NPSR1: variants seen among roughly 807,000 people sequenced by gnomAD.
NPSR1 encodes the protein neuropeptide S receptor 1, also known as neuropeptide S receptor.
In NPSR1, 48 loss-of-function variants were observed where a neutral mutation model predicts 46.9. That is an observed-to-expected ratio of 1.02 (90% confidence interval 0.81 to 1.30). The LOEUF (loss-of-function observed/expected upper bound fraction) is 1.30, where lower values mean the gene tolerates loss of function less well. Among genes scored for constraint, NPSR1 ranks in the 50% most tolerant of loss-of-function variants. The probability of loss-of-function intolerance (pLI) is 0.00; values close to 1 mark genes in which losing one functional copy is unlikely to be tolerated. For synonymous variants in NPSR1, 176 were observed against 168.1 expected, an observed-to-expected ratio of 1.05 and a Z score of -0.36; for missense variants, 450 against 449.5, an observed-to-expected ratio of 1.00 and a Z score of -0.01.
At chr7:34,774,640 C>T (rs1411906484) in intron 2 of NPSR1, among the ~76,000 whole-genome samples, 1 of 152,180 alleles carries the variant, frequency 6.6e-6, no homozygotes, top group Non-Finnish European at 1.5e-5. Context: ...TAGGGGCCTG[C>T]ATTCTGATTC....
At chr7:34,871,652 C>T (rs1584162597) in intron 8 of NPSR1, 1 of 151,830 alleles carries the variant, frequency 6.6e-6, no homozygotes, top group East Asian at 1.9e-4. Flanking sequence ...TAAACATTCC[C>T]ATTCCAAAAG....
intron 3 of NPSR1, among the ~76,000 whole-genome samples, chr7:34,784,434 G>C (rs544046056): frequency 5.1e-4 from 78 of 152,178 alleles, no homozygotes; most frequent in African/African-American, 1.8e-3. Context: ...TGCATCTATT[G>C]AGATAATCAT....
At chr7:34,742,477 T>G (rs1784992575) in intron 2 of NPSR1, among the ~76,000 whole-genome samples, 1 of 152,216 alleles carries the variant, frequency 6.6e-6, no homozygotes, top group Non-Finnish European at 1.5e-5. Flanking sequence ...GCTTCATCCA[T>G]GTTCCCACAA....
At chr7:34,852,728 T>C (rs1247780841), downstream of NPSR1, among the ~76,000 whole-genome samples, 1 of 152,182 alleles carries the variant, frequency 6.6e-6, no homozygotes, top group Non-Finnish European at 1.5e-5. Flanking sequence ...TAGCCTTTGA[T>C]GCCCATGTGG....
chr7:34,704,269 A>AT (rs1400823675), intron 2 of NPSR1: 1 of 151,994 alleles, frequency 6.6e-6, no homozygotes, highest in East Asian at 1.9e-4. Context: ...TGAAGACTGA[A>AT]TTTTTTCTGA....
intron 2 of NPSR1, among the ~76,000 whole-genome samples, chr7:34,749,569 G>A (rs555751872): frequency 6.6e-6 from 1 of 152,296 alleles, no homozygotes; most frequent in East Asian, 1.9e-4. Context: ...TTCAGATAAT[G>A]ACTATATCAT....
In NPSR1 at chr7:34,848,241, G is replaced by T. The variant is rs986640473; in HGVS notation, c.845-242G>T. ...AGTAGAAATTTGACCCTTCTTTACA[G>T]ATAGAGAAGCTCTACAACCTTTGCT... is the stretch of plus-strand genomic sequence containing the variant. On this transcript the variant is annotated intron_variant, in intron 7 of 8. Transcript: ENST00000360581. Among the ~76,000 whole-genome samples the T allele has an allele frequency of 1.2e-4, 19 of 152,304 alleles. No individual in the cohort carries two copies. The East Asian group carries it at 3.5e-3, about 28-fold the overall frequency.
intron 2 of NPSR1, among the ~76,000 whole-genome samples, chr7:34,717,580 C>T (rs1783642700): frequency 6.6e-6 from 1 of 152,154 alleles, no homozygotes; most frequent in South Asian, 2.1e-4. Context: ...CAAATGAGAA[C>T]CCTGGGACCC....
In NPSR1 at chr7:34,695,802, A is replaced by T. The variant is rs1229031609; in HGVS notation, c.280+11118A>T. Among the ~76,000 whole-genome samples, 3 of 152,106 alleles carry T rather than the reference A, an allele frequency of 2.0e-5. No individual in the cohort carries two copies. In the East Asian group the frequency reaches 5.8e-4, roughly 29 times the overall value. ...GGCTATTATTAAAAAATCAAAAAAC[A>T]ATAGATGCTGGCAAGGCTGTGAAGA... On this transcript the variant is annotated intron_variant, in intron 2 of 8. Transcript: ENST00000360581.
At chr7:34,751,104 T>G (rs915296043) in intron 2 of NPSR1, 17 of 811,420 alleles carry the variant, frequency 2.1e-5, no homozygotes, top group Non-Finnish European at 3.8e-5. Flanking sequence ...GAGGATCAGG[T>G]GGAGTCATCA....
chr7:34,792,719 A>ATATATATACGTATATATATATATT (rs1787983737), intron 3 of NPSR1, among the ~76,000 whole-genome samples: 1 of 123,386 alleles, frequency 8.1e-6, no homozygotes, highest in African/African-American at 3.1e-5. Context: ...ATATATTTAT[A>ATATATATACGTATATATATATATT]TATATATATA....
At chr7:34,702,456 T>C (rs1303865940) in intron 2 of NPSR1, among the ~76,000 whole-genome samples, 1 of 152,232 alleles carries the variant, frequency 6.6e-6, no homozygotes, top group Non-Finnish European at 1.5e-5. Flanking sequence ...CTGGCATAGC[T>C]TGTTCTCCAT....
intron 8 of NPSR1, among the ~76,000 whole-genome samples, chr7:34,877,535 A>C (rs1399017256): frequency 6.6e-6 from 1 of 152,212 alleles, no homozygotes; most frequent in Non-Finnish European, 1.5e-5. Context: ...TGGACGGAGC[A>C]ATAGTGAGTG....
chr7:34,661,311 C>T (rs920918979), intron 1 of NPSR1, among the ~76,000 whole-genome samples: 1 of 152,122 alleles, frequency 6.6e-6, no homozygotes, highest in African/African-American at 2.4e-5. Flanking sequence ...TTCTAGATTC[C>T]AGTGGGTGGG....
chr7:34,666,814 T>C (rs1791774829), intron 1 of NPSR1, among the ~76,000 whole-genome samples: 1 of 152,220 alleles, frequency 6.6e-6, no homozygotes, highest in Non-Finnish European at 1.5e-5. Context: ...GGTTTTTGTC[T>C]TGTTATTATC....
At chr7:34,712,044 A>G (rs147164738) in intron 2 of NPSR1, among the ~76,000 whole-genome samples, 1 of 152,324 alleles carries the variant, frequency 6.6e-6, no homozygotes, top group African/African-American at 2.4e-5. Context: ...CTATTTCCCC[A>G]TAATGATTGA....
At chr7:34,725,220 A>T (rs1396704773) in intron 2 of NPSR1, among the ~76,000 whole-genome samples, 2 of 152,170 alleles carry the variant, frequency 1.3e-5, no homozygotes, top group African/African-American at 4.8e-5. Flanking sequence ...TGCTGAAATC[A>T]CATATATTCC....
chr7:34,806,091 A>G (rs547204927), intron 3 of NPSR1, among the ~76,000 whole-genome samples: 4 of 152,232 alleles, frequency 2.6e-5, no homozygotes, highest in African/African-American at 9.6e-5. Context: ...GGAATTCAAA[A>G]TAGTACAGTC....
chr7:34,751,556 T>C lies in NPSR1; in HGVS notation c.281-26906T>C, dbSNP rs1178092377. On this transcript the variant is annotated intron_variant, in intron 2 of 8. Coordinates refer to ENST00000360581, the MANE Select transcript of NPSR1 (RefSeq NM_207172.2). The stretch of plus-strand genomic sequence containing the variant: ...GTCTCGAAACTTGTATTCTTCTCCT[T>C]GGGATCTTTGGTCTTGTGCTCCTGT... The C allele has an allele frequency of 3.1e-6, 5 of 1,591,566 alleles. No homozygotes were observed. In the African/African-American group the frequency reaches 5.4e-5, roughly 17 times the overall value.
Sources: allele counts gnomAD v4.1 joint callset (sites outside exome capture counted in the v4.1 genomes callset), GRCh38; gene constraint gnomAD v4.1.1; transcripts MANE v1.5; gene names NCBI Gene and HGNC (gene_info 2026-07-23, HGNC 2026-07-21).